Variants in DENND1A observed in about 807,000 individuals in gnomAD.
DENND1A encodes DENN domain containing 1A.
In DENND1A, 51 loss-of-function variants were observed where a neutral mutation model predicts 113.7. That is an observed-to-expected ratio of 0.45 (90% confidence interval 0.36 to 0.57). The LOEUF (loss-of-function observed/expected upper bound fraction) is 0.57, where lower values mean the gene tolerates loss of function less well. Ranked by LOEUF, DENND1A falls within the 20% of genes least tolerant of loss-of-function variation. The pLI, the probability that DENND1A is intolerant of heterozygous loss-of-function variation, is 0.00. For synonymous variants in DENND1A, 565 were observed against 570.8 expected (o/e 0.99, Z 0.14); for missense variants, 1,258 against 1,395.9 (o/e 0.90, Z 1.57).
intron 13 of DENND1A, among the ~76,000 whole-genome samples, chr9:123,504,403 A>G (rs554419841): frequency 6.6e-6 from 1 of 152,346 alleles, no homozygotes; most frequent in South Asian, 2.1e-4. Flanking sequence ...ACCTGACACT[A>G]GGCCTGCACG....
At chr9:123,901,991 G>C (rs1023390427) in intron 1 of DENND1A, among the ~76,000 whole-genome samples, 2 of 152,082 alleles carry the variant, frequency 1.3e-5, no homozygotes, top group Non-Finnish European at 2.9e-5. Context: ...GGGAGACAGA[G>C]CAAGACTCCG....
At chr9:123,449,995 T>TA (rs2047591188) in intron 18 of DENND1A, among the ~76,000 whole-genome samples, 1 of 51,848 alleles carries the variant, frequency 1.9e-5, no homozygotes, top group South Asian at 4.6e-4. Flanking sequence ...GCTATGGCAA[T>TA]AAAAAAATTA....
At chr9:123,721,493 T>C (rs150016329) in intron 5 of DENND1A, among the ~76,000 whole-genome samples, 57 of 152,264 alleles carry the variant, frequency 3.7e-4, no homozygotes, top group African/African-American at 1.3e-3. Flanking sequence ...CCATTTCCCA[T>C]CTCCACCAAC....
chr9:123,483,805 T>C (rs1399575369), intron 13 of DENND1A, among the ~76,000 whole-genome samples: 1 of 152,176 alleles, frequency 6.6e-6, no homozygotes, highest in Non-Finnish European at 1.5e-5. Context: ...CCTCCCAGAG[T>C]TGCTGCGAGG....
At chr9:123,687,881 A>G (rs1254544479) in intron 5 of DENND1A, among the ~76,000 whole-genome samples, 2 of 152,144 alleles carry the variant, frequency 1.3e-5, no homozygotes, top group African/African-American at 4.8e-5. Context: ...AGGCTGAGGG[A>G]AGCAAAATTA....
chr9:123,401,905 T>C, intron 21 of DENND1A: 1 of 1,614,162 alleles, frequency 6.2e-7, no homozygotes, highest in Non-Finnish European at 8.5e-7. Context: ...GGTGTTGCAA[T>C]GGTGTTTCTG....
At chr9:123,507,050 A>C (rs2053016990) in intron 13 of DENND1A, among the ~76,000 whole-genome samples, 1 of 152,156 alleles carries the variant, frequency 6.6e-6, no homozygotes, top group African/African-American at 2.4e-5. Flanking sequence ...TTAGCTGGGC[A>C]TGGTGGCACG....
rs1223849050 is a variant in DENND1A, at chr9:123,929,750, C to G, written c.17+139G>C. ...CCTGGATCGCCATAGCAACCGTCCC[C>G]CTCCCCGCGTGCCGGCGTCACGCGG... On this transcript the variant is annotated intron_variant, in intron 1 of 23. Transcript: ENST00000394215. 4 of 166,686 alleles carry G rather than the reference C, an allele frequency of 2.4e-5. No individual in the cohort carries two copies. The East Asian group carries it at 7.2e-4, about 30-fold the overall frequency. 10.3% of individuals were successfully genotyped at this position (166,686 alleles called of 1,614,324 possible).
intron 9 of DENND1A, among the ~76,000 whole-genome samples, chr9:123,650,951 T>C (rs1268598651): frequency 6.9e-6 from 1 of 145,410 alleles, no homozygotes; most frequent in Non-Finnish European, 1.5e-5. Context: ...ATGGATGCTA[T>C]GGATGATAAA....
intron 8 of DENND1A, among the ~76,000 whole-genome samples, chr9:123,653,741 T>C (rs1220130787): frequency 1.3e-5 from 2 of 152,010 alleles, no homozygotes; most frequent in Non-Finnish European, 1.5e-5. Context: ...AGATCAAGTA[T>C]GCCTAAAGAA....
At chr9:123,740,546 TAGAG>T (rs1157034151) in intron 5 of DENND1A, among the ~76,000 whole-genome samples, 1 of 152,070 alleles carries the variant, frequency 6.6e-6, no homozygotes, top group African/African-American at 2.4e-5. Context: ...TTCCCTTTGA[TAGAG>T]AGCAGGAGAA....
chr9:123,813,382 T>G (rs1391170963), intron 2 of DENND1A, among the ~76,000 whole-genome samples: 1 of 152,216 alleles, frequency 6.6e-6, no homozygotes, highest in Non-Finnish European at 1.5e-5. Context: ...TGTAATTTAT[T>G]TTTATCAAGG....
intron 8 of DENND1A, 31 bp downstream of exon 8, chr9:123,666,995 A>G (rs756415991): frequency 3.2e-6 from 5 of 1,562,672 alleles, no homozygotes; most frequent in Non-Finnish European, 4.3e-6. Flanking sequence ...AAGAATAAAA[A>G]TTTAATTTTT....
At chr9:123,827,497 G>C (rs1839539052) in intron 2 of DENND1A, among the ~76,000 whole-genome samples, 1 of 151,342 alleles carries the variant, frequency 6.6e-6, no homozygotes, top group Non-Finnish European at 1.5e-5. Context: ...CTCCAGCCTG[G>C]GCAACCAGAG....
Position 123,452,334 on chromosome 9 carries a change from G to A in DENND1A, c.1241C>T (p.Ala414Val). 1.2e-6 allele frequency: 2 copies of A among 1,614,180 alleles called. No individual in the cohort carries two copies. Among genetic ancestry groups the A allele is most frequent in the Non-Finnish European group, 1.7e-6 (2 of 1,180,010 alleles). ...WLSTVRKGSG[A>V]ILNTVKTKAN... ...TTTGGTCTTTACAGTATTCAGAATT[G>A]CTCCACTTCCTTTCTATAATAAAAA... The change falls in exon 17 of 24, where the codon GCA becomes GTA. Residue 414 changes from alanine (A) to valine (V), a missense_variant. Around this residue, in one of 2 missense-constraint regions of DENND1A, gnomAD observed 1,159 missense variants for 1,231.7 expected, o/e 0.94. Coordinates refer to ENST00000394215, the MANE Select transcript of DENND1A (RefSeq NM_001352964.2).
At chr9:123,613,215 C>T (rs563078518) in intron 10 of DENND1A, among the ~76,000 whole-genome samples, 5 of 152,044 alleles carry the variant, frequency 3.3e-5, no homozygotes, top group Non-Finnish European at 7.4e-5. Flanking sequence ...CCACCAATAA[C>T]GGAAAAACTA....
chr9:123,492,872 G>A (rs1012321633), intron 13 of DENND1A: 4 of 152,206 alleles, frequency 2.6e-5, no homozygotes, highest in South Asian at 4.1e-4. Context: ...CTGGTAATAG[G>A]AGGGAAATGG....
Position 123,514,131 on chromosome 9 carries a change from C to T in DENND1A, c.993+43439G>A, listed in dbSNP as rs115280781. Among the ~76,000 whole-genome samples the T allele has an allele frequency of 2.0e-3, 286 of 141,776 alleles. 2 individuals are homozygous for T. The highest frequency in any genetic ancestry group is 6.0e-3 in the African/African-American group (232 of 38,576). 93.0% of individuals were successfully genotyped at this position (141,776 alleles called of 152,430 possible). A position where few individuals can be genotyped will look rare whatever the true frequency, so the allele number is the denominator to read the frequency against. ...GTGTCTGTGTGTGTGTCCATGACACCCAGCATGGGGTGTCTCAGCCTAAGG... is the reference window on the plus strand; with the variant it reads ...GTGTCTGTGTGTGTGTCCATGACACTCAGCATGGGGTGTCTCAGCCTAAGG... On this transcript the variant is annotated intron_variant, in intron 13 of 23. Transcript: ENST00000394215.
intron 19 of DENND1A, among the ~76,000 whole-genome samples, chr9:123,420,431 G>A (rs896356489): frequency 5.1e-5 from 7 of 138,154 alleles, no homozygotes; most frequent in Non-Finnish European, 6.6e-5. Flanking sequence ...GGGGGATGAG[G>A]GGGTGCTCAG....
Sources: gnomAD v4.1 joint callset for allele counts (sites outside exome capture counted in the v4.1 genomes callset) on GRCh38, gnomAD v4.1.1 for gene constraint, gnomAD v4.1.1 regional missense constraint, MANE v1.5 for transcripts, NCBI Gene and HGNC (gene_info 2026-07-23, HGNC 2026-07-21) for gene names.